The following RYR2 variants were observed in gnomAD, a reference collection of about 807,000 sequenced individuals.
RYR2 encodes ryanodine receptor 2.
In RYR2, 227 loss-of-function variants were observed where a neutral mutation model predicts 601.1. The observed-to-expected ratio is 0.38, with a 90% CI of 0.34 to 0.42. The LOEUF is 0.42. Ranked by LOEUF, RYR2 falls within the 10% of genes least tolerant of loss-of-function variation. The pLI is 1.00. For synonymous variants in RYR2, 2,223 were observed against 2,175.1 expected (o/e 1.02, Z -0.61); for missense variants, 4,646 against 6,156.5 (o/e 0.75, Z 8.21).
intron 1 of RYR2, among the ~76,000 whole-genome samples, chr1:237,057,842 C>T (rs1662365687): frequency 6.6e-6 from 1 of 152,182 alleles, no homozygotes; most frequent in African/African-American, 2.4e-5. Context: ...TGATGCATCG[C>T]CTCTCTTTGC....
intron 79 of RYR2, among the ~76,000 whole-genome samples, chr1:237,737,471 G>C (rs1691251749): frequency 6.6e-6 from 1 of 152,150 alleles, no homozygotes; most frequent in African/African-American, 2.4e-5. Context: ...CACTGCCTTA[G>C]GATCTTATAC....
intron 20 of RYR2, among the ~76,000 whole-genome samples, chr1:237,500,215 A>G (rs1180217097): frequency 2.0e-5 from 3 of 152,218 alleles, no homozygotes; most frequent in Non-Finnish European, 2.9e-5. Context: ...AGGGACTGAC[A>G]TGAAGTACCT....
chr1:237,211,980 C>T (rs1467989039), intron 1 of RYR2, among the ~76,000 whole-genome samples: 1 of 152,108 alleles, frequency 6.6e-6, no homozygotes, highest in Non-Finnish European at 1.5e-5. Flanking sequence ...GTCAGATGTG[C>T]ACAGAACAGC....
intron 24 of RYR2, among the ~76,000 whole-genome samples, chr1:237,513,720 G>A (rs1191143177): frequency 2.0e-5 from 3 of 152,194 alleles, no homozygotes; most frequent in Non-Finnish European, 1.5e-5. Context: ...GTACAAGTTT[G>A]TAGCCTAGCA....
chr1:237,660,901 G>C lies in RYR2; in HGVS notation c.8390G>C (p.Ser2797Thr). Residue 2797 changes from serine to threonine, a missense_variant, in exon 56 of 105, where the codon AGC (serine) becomes ACC (threonine). This residue lies in a region of RYR2 where 1,497 missense variants were observed against 1,842.6 expected (regional missense o/e 0.81). Transcript: ENST00000366574. ...WRIERTREGD[S>T]MALYNRTRRI... ...ATTGAAAGAACTCGGGAGGGAGACA[G>C]CATGGCCCTTTACAACCGGACTCGT... 4 of 1,521,620 alleles carry C rather than the reference G, an allele frequency of 2.6e-6. No homozygotes were observed. The highest frequency in any genetic ancestry group is 3.5e-6 in the Non-Finnish European group (4 of 1,131,198). The allele number at this position is 1,521,620 out of a possible 1,614,324, so 94.3% of individuals were successfully genotyped here.
intron 66 of RYR2, among the ~76,000 whole-genome samples, chr1:237,704,631 C>T (rs1304719941): frequency 3.3e-5 from 5 of 151,724 alleles, no homozygotes; most frequent in South Asian, 2.1e-4. Context: ...GGACAAAATT[C>T]GAGGTCACTT....
chr1:237,512,824 T>C (rs1227853234), intron 24 of RYR2, among the ~76,000 whole-genome samples: 3 of 152,156 alleles, frequency 2.0e-5, no homozygotes, highest in African/African-American at 7.2e-5. Flanking sequence ...TGAGCTGTGA[T>C]CACGCCACTG....
At chr1:237,521,409 A>T (rs1229852700) in intron 24 of RYR2, among the ~76,000 whole-genome samples, 4 of 152,166 alleles carry the variant, frequency 2.6e-5, no homozygotes, top group Non-Finnish European at 2.9e-5. Context: ...CTTTCTATTT[A>T]AAATCCCTTA....
intron 3 of RYR2, chr1:237,352,926 A>G (rs903500809): frequency 4.1e-6 from 2 of 489,478 alleles, no homozygotes; most frequent in Admixed American, 4.2e-5. Flanking sequence ...AAAAATCAAT[A>G]CCAGGTATGT....
chr1:237,343,739 T>C (rs1350955474), intron 3 of RYR2, among the ~76,000 whole-genome samples: 1 of 152,082 alleles, frequency 6.6e-6, no homozygotes, highest in Non-Finnish European at 1.5e-5. Flanking sequence ...AGCTCCAGCA[T>C]GGATTTGATG....
At chr1:237,581,170 T>A (rs1326358684) in intron 29 of RYR2, among the ~76,000 whole-genome samples, 1 of 152,234 alleles carries the variant, frequency 6.6e-6, no homozygotes, top group African/African-American at 2.4e-5. Context: ...ATGTATAGTT[T>A]ATGGTAAAAG....
chr1:237,702,164 A>C, intron 66 of RYR2, 105 bp downstream of exon 66: 1 of 673,318 alleles, frequency 1.5e-6, no homozygotes, highest in African/African-American at 1.8e-5. Context: ...GTTATAAACT[A>C]AACCGGATTG....
intron 1 of RYR2, among the ~76,000 whole-genome samples, chr1:237,066,055 GT>G (rs1663570500): frequency 6.6e-6 from 1 of 152,208 alleles, no homozygotes; most frequent in Non-Finnish European, 1.5e-5. Context: ...TGAGATTTGG[GT>G]GGGGGCACAG....
At chr1:237,731,196 A>G (rs1386814467) in intron 77 of RYR2, among the ~76,000 whole-genome samples, 1 of 152,168 alleles carries the variant, frequency 6.6e-6, no homozygotes, top group African/African-American at 2.4e-5. Flanking sequence ...ATCCACATTA[A>G]GGCTTAATTA....
chr1:237,316,236 T>G (rs1047888673), intron 2 of RYR2, among the ~76,000 whole-genome samples: 6 of 152,210 alleles, frequency 3.9e-5, no homozygotes, highest in Non-Finnish European at 8.8e-5. Context: ...GCTTCTTCTT[T>G]AGGACATTGA....
chr1:237,601,198 G>A (rs1207637844), intron 34 of RYR2, among the ~76,000 whole-genome samples: 2 of 152,048 alleles, frequency 1.3e-5, no homozygotes, highest in Non-Finnish European at 2.9e-5. Flanking sequence ...CCCATCAATG[G>A]ATTAGTAAGT....
At chr1:237,743,691 T>TGACA in intron 80 of RYR2, 1 of 496,900 alleles carries the variant, frequency 2.0e-6, no homozygotes, top group South Asian at 1.5e-5. Flanking sequence ...TTTACCTTTG[T>TGACA]TAGACCCAAC....
chr1:237,707,266 G>A lies in RYR2; in HGVS notation c.9898G>A (p.Ala3300Thr). ...IDEGAWMKRL[A>T]VFSQPIINKV... is the part of the protein sequence containing the mutation. ...TGAGGGAGCCTGGATGAAGAGGCTA[G>A]CAGGTAAGAACTGGAAGAAGACATT... is the stretch of plus-strand genomic sequence containing the variant. Residue 3300 changes from alanine to threonine, a missense_variant, in exon 68 of 105, where the codon GCA becomes ACA. Ala to Thr is a moderately conservative substitution (Grantham distance 58). Transcript: ENST00000366574. The A allele has an allele frequency of 1.3e-6, 2 of 1,497,060 alleles. No individual in the cohort carries two copies. Among genetic ancestry groups the A allele is most frequent in the Non-Finnish European group, 1.8e-6 (2 of 1,108,398 alleles). The allele number at this position is 1,497,060 out of a possible 1,614,324, so 92.7% of individuals were successfully genotyped here.
intron 1 of RYR2, among the ~76,000 whole-genome samples, chr1:237,132,222 A>C (rs74149720): frequency 5.9e-5 from 9 of 152,236 alleles, no homozygotes; most frequent in African/African-American, 1.9e-4. Flanking sequence ...CAAGTAATCT[A>C]TAGCGGGGCC....
Sources: allele counts gnomAD v4.1 joint callset (sites outside exome capture counted in the v4.1 genomes callset), GRCh38; gene constraint gnomAD v4.1.1; regional missense constraint gnomAD v4.1.1; transcripts MANE v1.5; gene names NCBI Gene and HGNC (gene_info 2026-07-23, HGNC 2026-07-21).